Variants in INPP5D observed in about 807,000 individuals in gnomAD.
The protein encoded by INPP5D is phosphatidylinositol 3,4,5-trisphosphate 5-phosphatase 1.
INPP5D carries 33 observed loss-of-function variants against 122.9 expected under a neutral mutation model. That is an observed-to-expected ratio of 0.27 (90% CI 0.20 to 0.36). The LOEUF (loss-of-function observed/expected upper bound fraction) is 0.36, where lower values mean the gene tolerates loss of function less well. INPP5D is among the 10% of genes least tolerant of loss of function. INPP5D has a pLI of 1.00. For missense variants in INPP5D, 1,053 were observed against 1,412.7 expected, an observed-to-expected ratio of 0.75 and a Z score of 4.08; for synonymous variants, 584 against 576.2, an observed-to-expected ratio of 1.01 and a Z score of -0.19.
intron 2 of INPP5D, among the ~76,000 whole-genome samples, chr2:233,086,161 C>CTTTCTTTT (rs1559282322): frequency 3.4e-5 from 5 of 146,752 alleles, no homozygotes; most frequent in Non-Finnish European, 7.5e-5. Context: ...TTCTTTCTTT[C>CTTTCTTTT]TTTCTTTCTT....
rs1691039200 is a variant in INPP5D, at chr2:233,060,484, C to T, written c.6C>T (p.Val2=). The part of the protein sequence containing the change: M[V]PCWNHGNITR... ...CGAGGAGGCCCACGCCCACCATGGT[C>T]CCCTGCTGGAACCATGGCAACATCA... Residue 2 remains valine (V), a synonymous_variant, in exon 1 of 27, where the codon GTC becomes GTT. Transcript: ENST00000445964. 6.2e-7 allele frequency: 1 copy of T among 1,607,344 alleles called. No individual in the cohort carries two copies. Among genetic ancestry groups the T allele is most frequent in the Non-Finnish European group, 8.5e-7 (1 of 1,176,728 alleles).
At chr2:233,134,337 C>T (rs1466705407) in intron 5 of INPP5D, among the ~76,000 whole-genome samples, 1 of 151,776 alleles carries the variant, frequency 6.6e-6, no homozygotes, top group Non-Finnish European at 1.5e-5. Context: ...GGGGTAAGGT[C>T]ACTGCAGGTG....
At chr2:233,132,629 T>C (rs750350159) in intron 5 of INPP5D, among the ~76,000 whole-genome samples, 2 of 152,182 alleles carry the variant, frequency 1.3e-5, no homozygotes, top group Non-Finnish European at 2.9e-5. Flanking sequence ...GCTTCCCATT[T>C]CTCCTGCCAG....
At chr2:233,073,189 G>A (rs1691427114) in intron 1 of INPP5D, among the ~76,000 whole-genome samples, 1 of 152,200 alleles carries the variant, frequency 6.6e-6, no homozygotes, top group Non-Finnish European at 1.5e-5. Context: ...GGGTCTCGCT[G>A]GGGGAGGGGA....
chr2:233,073,988 G>T (rs1262851495), intron 1 of INPP5D, among the ~76,000 whole-genome samples: 3 of 152,286 alleles, frequency 2.0e-5, no homozygotes, highest in Non-Finnish European at 2.9e-5. Flanking sequence ...AATCAGACTT[G>T]TCCAGAATTT....
chr2:233,150,714 C>T (rs1315011074), intron 9 of INPP5D, among the ~76,000 whole-genome samples: 1 of 152,162 alleles, frequency 6.6e-6, no homozygotes, highest in African/African-American at 2.4e-5. Flanking sequence ...AACGCTTCCT[C>T]TAAGGATTTG....
intron 17 of INPP5D, among the ~76,000 whole-genome samples, chr2:233,176,905 A>G (rs1307538545): frequency 6.6e-6 from 1 of 152,024 alleles, no homozygotes; most frequent in Admixed American, 6.6e-5. Context: ...GAAGTGTGTT[A>G]TTAAAGTAAG....
At position 233,198,394 on chromosome 2, in the gene INPP5D, T is replaced by G; in HGVS notation, c.2975+18T>G. On this transcript the variant is annotated intron_variant, in intron 25 of 26. Transcript: ENST00000445964. The stretch of plus-strand genomic sequence containing the variant: ...GAGTCAAGGTGAGCATCCTCTTCAT[T>G]AAGACGGCTCCCTCCCTCCTTATGA... The G allele has an allele frequency of 6.3e-7, 1 of 1,597,272 alleles. No homozygotes were observed. Among genetic ancestry groups the G allele is most frequent in the Non-Finnish European group, 8.6e-7 (1 of 1,167,730 alleles).
At position 233,086,133 on chromosome 2, in the gene INPP5D, CT is replaced by C; in HGVS notation, c.198+6738del. ...GATAAGATAGCCTCTTTCTTTCTTTCTTTCTTTCTTTCTTTCTTTCTTTCTT... is the reference window on the plus strand; with the variant it reads ...GATAAGATAGCCTCTTTCTTTCTTTCTTCTTTCTTTCTTTCTTTCTTTCTT... On this transcript the variant is annotated intron_variant, in intron 2 of 26. Transcript: ENST00000445964. Among the ~76,000 whole-genome samples, 2 of 123,030 alleles carry C rather than the reference CT, an allele frequency of 1.6e-5. 1 individual carries two copies. Among genetic ancestry groups the C allele is most frequent in the African/African-American group, 6.4e-5 (2 of 31,204 alleles). The allele number at this position is 123,030 out of a possible 152,430, so 80.7% of individuals were successfully genotyped here.
At chr2:233,168,637 G>T (rs62192877) in intron 13 of INPP5D, among the ~76,000 whole-genome samples, 88,043 of 152,150 alleles carry the variant, frequency 0.58, 26,809 homozygotes, top group Non-Finnish European at 0.69. Flanking sequence ...GACAAAAGAT[G>T]GTTTTTCTTT....
At chr2:233,102,802 A>G (rs1319729109) in intron 2 of INPP5D, among the ~76,000 whole-genome samples, 1 of 148,956 alleles carries the variant, frequency 6.7e-6, no homozygotes, top group East Asian at 2.0e-4. Flanking sequence ...GTGAGCCCAG[A>G]TCACGCCACT....
intron 5 of INPP5D, among the ~76,000 whole-genome samples, chr2:233,134,814 A>G (rs1693422414): frequency 6.6e-6 from 1 of 152,238 alleles, no homozygotes; most frequent in Non-Finnish European, 1.5e-5. Context: ...AAACAAACCA[A>G]AACCAAAAAT....
intron 1 of INPP5D, among the ~76,000 whole-genome samples, chr2:233,072,835 C>T (rs1691416022): frequency 6.6e-6 from 1 of 152,150 alleles, no homozygotes; most frequent in Non-Finnish European, 1.5e-5. Flanking sequence ...GTTTGTGGTG[C>T]CCAGGGTCCT....
At position 233,161,747 on chromosome 2, in the gene INPP5D, C is replaced by T. The variant is rs1368776168; in HGVS notation, c.1161C>T (p.Leu387=). 2.5e-6 allele frequency: 4 copies of T among 1,613,252 alleles called. No homozygotes were observed. In the African/African-American group the frequency reaches 5.3e-5, roughly 22 times the overall value. The change falls in exon 11 of 27, where the codon CTC becomes CTT. Residue 387 remains leucine, a synonymous_variant. Coordinates refer to ENST00000445964, the MANE Select transcript of INPP5D (RefSeq NM_001017915.3). ...AGAAGAGAGAAGGCTTCTGCCAGCT[C>T]CTGCAGCAGATGAAGAACAAGCACT... ...DSKKREGFCQ[L]LQQMKNKHSE...
At chr2:233,107,840 G>C (rs557040212) in intron 2 of INPP5D, among the ~76,000 whole-genome samples, 25 of 152,222 alleles carry the variant, frequency 1.6e-4, no homozygotes, top group African/African-American at 4.6e-4. Context: ...CTTGGGCTCA[G>C]TCTTCGCTTT....
chr2:233,097,207 C>T (rs753388368), intron 2 of INPP5D, among the ~76,000 whole-genome samples: 4 of 152,142 alleles, frequency 2.6e-5, no homozygotes, highest in Non-Finnish European at 5.9e-5. Context: ...ATAGATTAAT[C>T]TACTCTTGAC....
At chr2:233,201,933 C>T (rs1319617581) in intron 25 of INPP5D, among the ~76,000 whole-genome samples, 1 of 152,200 alleles carries the variant, frequency 6.6e-6, no homozygotes, top group African/African-American at 2.4e-5. Flanking sequence ...TACCTTTGGT[C>T]AGGGGAATAA....
chr2:233,080,134 T>A (rs1691635531), intron 2 of INPP5D, among the ~76,000 whole-genome samples: 2 of 152,128 alleles, frequency 1.3e-5, no homozygotes, highest in Admixed American at 1.3e-4. Context: ...TTCTCCATGT[T>A]GGCCAGGCTG....
chr2:233,149,585 G>A (rs1693870439), intron 9 of INPP5D, among the ~76,000 whole-genome samples: 1 of 152,082 alleles, frequency 6.6e-6, no homozygotes, highest in Non-Finnish European at 1.5e-5. Flanking sequence ...AATGTCAGAG[G>A]GTCCTTCCTG....
Sources: gnomAD v4.1 joint callset for allele counts (sites outside exome capture counted in the v4.1 genomes callset) on GRCh38, gnomAD v4.1.1 for gene constraint, MANE v1.5 for transcripts, NCBI Gene and HGNC (gene_info 2026-07-23, HGNC 2026-07-21) for gene names.